ARK2N: variants seen among roughly 807,000 people sequenced by gnomAD.
ARK2N encodes arkadia (RNF111) N-terminal like PKA signaling regulator 2N.
chr18:46,217,408 A>G, the ARK2N span: 1 of 152,228 alleles, frequency 6.6e-6, no homozygotes. Context: ...AGAGATCCTT[A>G]CAATATGATC....
the ARK2N span, among the ~76,000 whole-genome samples, chr18:46,204,449 C>T: frequency 1.3e-5 from 2 of 152,100 alleles, no homozygotes; most frequent in African/African-American, 4.8e-5. Context: ...AAAACATTGA[C>T]CTTCTTTAAA....
chr18:46,244,077 C>T, the ARK2N span, among the ~76,000 whole-genome samples: 1 of 152,302 alleles, frequency 6.6e-6, no homozygotes, highest in Non-Finnish European at 1.5e-5. Context: ...CTAGGTTTCT[C>T]CTGATGATTC....
the ARK2N span, among the ~76,000 whole-genome samples, chr18:46,262,713 T>C: frequency 1.2e-3 from 188 of 152,220 alleles, no homozygotes; most frequent in African/African-American, 4.3e-3. Flanking sequence ...CCTTGGCCTT[T>C]TTAAGGCTAA....
the ARK2N span, among the ~76,000 whole-genome samples, chr18:46,235,284 A>G: frequency 1.3e-5 from 2 of 152,366 alleles, no homozygotes; most frequent in Non-Finnish European, 2.9e-5. Context: ...TTACTCAACT[A>G]TGAATCCTAG....
chr18:46,210,338 A>C, the ARK2N span, among the ~76,000 whole-genome samples: 5 of 152,240 alleles, frequency 3.3e-5, no homozygotes, highest in African/African-American at 1.2e-4. Flanking sequence ...AGTAAAGAAG[A>C]AGGCATTGTC....
chr18:46,250,607 T>G, the ARK2N span, among the ~76,000 whole-genome samples: 1 of 151,944 alleles, frequency 6.6e-6, no homozygotes, highest in African/African-American at 2.4e-5. Flanking sequence ...TTGCCTCCAG[T>G]ATTTCCTGTC....
chr18:46,198,391 A>G, the ARK2N span, among the ~76,000 whole-genome samples: 1 of 151,712 alleles, frequency 6.6e-6, no homozygotes, highest in Admixed American at 6.6e-5. Context: ...TGCAGTTTTG[A>G]AAGATTTTTA....
chr18:46,203,432 G>T, the ARK2N span, among the ~76,000 whole-genome samples: 7 of 152,136 alleles, frequency 4.6e-5, no homozygotes, highest in African/African-American at 1.7e-4. Flanking sequence ...TCAAAAAGTG[G>T]TTACTTTTTA....
At chr18:46,245,166 A>G in the ARK2N span, among the ~76,000 whole-genome samples, 2 of 151,996 alleles carry the variant, frequency 1.3e-5, no homozygotes, top group Non-Finnish European at 2.9e-5. Context: ...TCCTGATCTC[A>G]AGTAATCTGC....
At chr18:46,208,331 T>C in the ARK2N span, among the ~76,000 whole-genome samples, 1 of 152,194 alleles carries the variant, frequency 6.6e-6, no homozygotes, top group Non-Finnish European at 1.5e-5. Flanking sequence ...ATGTTTATCA[T>C]TAGTCCATGC....
chr18:46,216,140 G>A, the ARK2N span: 1 of 1,614,058 alleles, frequency 6.2e-7, no homozygotes, highest in Non-Finnish European at 8.5e-7. The surrounding 1 kb of genome is among the most constrained non-coding windows in gnomAD (Gnocchi z 4.3). Context: ...GTTTATGAGA[G>A]TGACTCCTCT....
chr18:46,175,020 T>C, the ARK2N span, among the ~76,000 whole-genome samples: 1 of 152,220 alleles, frequency 6.6e-6, no homozygotes, highest in Non-Finnish European at 1.5e-5. Flanking sequence ...TTGTCAACTT[T>C]ATTTCAAAAC....
the ARK2N span, among the ~76,000 whole-genome samples, chr18:46,250,801 A>T: frequency 4.0e-4 from 61 of 152,184 alleles, no homozygotes; most frequent in African/African-American, 1.4e-3. Context: ...GTTTCTTATT[A>T]CTCTTTTGAC....
the ARK2N span, among the ~76,000 whole-genome samples, chr18:46,259,394 C>T: frequency 6.6e-6 from 1 of 151,994 alleles, no homozygotes; most frequent in East Asian, 2.0e-4. Flanking sequence ...CAGGCGCATG[C>T]CACCGTGCCT....
the ARK2N span, among the ~76,000 whole-genome samples, chr18:46,193,387 T>G: frequency 6.6e-6 from 1 of 151,746 alleles, no homozygotes; most frequent in Non-Finnish European, 1.5e-5. Flanking sequence ...CCTCCAGGGT[T>G]CAAGTGATTC....
chr18:46,262,098 A>G, the ARK2N span, among the ~76,000 whole-genome samples: 3 of 152,216 alleles, frequency 2.0e-5, no homozygotes, highest in Admixed American at 1.3e-4. Context: ...AGGACATAGC[A>G]TTGATCACAT....
At chr18:46,224,756 T>G in the ARK2N span, among the ~76,000 whole-genome samples, 4 of 152,188 alleles carry the variant, frequency 2.6e-5, no homozygotes, top group African/African-American at 9.7e-5. Flanking sequence ...AGTCATTTTA[T>G]TTTTTTGGAA....
At chr18:46,235,635 A>G in the ARK2N span, among the ~76,000 whole-genome samples, 1,745 of 152,298 alleles carry the variant, frequency 0.011, 60 homozygotes, top group East Asian at 0.12. Flanking sequence ...AAAAATCTGT[A>G]CTTCCTATGC....
chr18:46,201,016 G>A, the ARK2N span, among the ~76,000 whole-genome samples: 1 of 125,848 alleles, frequency 7.9e-6, no homozygotes, highest in Non-Finnish European at 1.6e-5. Flanking sequence ...GTCTTGCTCT[G>A]TCACCCAGGC....
Sources: allele counts gnomAD v4.1 joint callset (sites outside exome capture counted in the v4.1 genomes callset), GRCh38; gene constraint gnomAD v4.1.1; non-coding constraint Gnocchi (gnomAD v3.1); transcripts MANE v1.5; gene names NCBI Gene and HGNC (gene_info 2026-07-23, HGNC 2026-07-21).